The following SLC71A2 variants were observed in gnomAD, a reference collection of about 807,000 sequenced individuals.
SLC71A2 encodes hippocampus abundant transcript-like 1.
the SLC71A2 span, among the ~76,000 whole-genome samples, chr9:94,459,000 C>G: frequency 2.6e-5 from 4 of 152,178 alleles, no homozygotes; most frequent in Admixed American, 2.6e-4. Flanking sequence ...ATTCCAAACA[C>G]CAAGCTCTAG....
At chr9:94,424,483 C>T in the SLC71A2 span, among the ~76,000 whole-genome samples, 1 of 151,978 alleles carries the variant, frequency 6.6e-6, no homozygotes, top group East Asian at 1.9e-4. Flanking sequence ...TATCTGCCTG[C>T]CTCAGTTTCC....
the SLC71A2 span, among the ~76,000 whole-genome samples, chr9:94,436,117 T>G: frequency 1.3e-5 from 2 of 152,254 alleles, no homozygotes; most frequent in African/African-American, 4.8e-5. Context: ...CACTGTATTT[T>G]TTAATTTGTA....
the SLC71A2 span, chr9:94,451,528 G>A: frequency 1.3e-6 from 2 of 1,517,714 alleles, no homozygotes; most frequent in South Asian, 1.3e-5. Context: ...TGTGGCTCAG[G>A]TGAGTATCAT....
chr9:94,396,517 C>T, the SLC71A2 span, among the ~76,000 whole-genome samples: 1 of 151,950 alleles, frequency 6.6e-6, no homozygotes, highest in East Asian at 1.9e-4. Flanking sequence ...ACTCTGTCTC[C>T]AAAAAATTAA....
the SLC71A2 span, among the ~76,000 whole-genome samples, chr9:94,383,318 A>C: frequency 6.6e-6 from 1 of 151,864 alleles, no homozygotes; most frequent in African/African-American, 2.4e-5. Flanking sequence ...GCACGCCACC[A>C]CACCTGGCTA....
At chr9:94,397,498 A>G in the SLC71A2 span, among the ~76,000 whole-genome samples, 29 of 143,716 alleles carry the variant, frequency 2.0e-4, no homozygotes, top group East Asian at 1.7e-3. Context: ...AAAAAAAAAA[A>G]GGAAAAAAAA....
chr9:94,459,220 T>C, the SLC71A2 span: 13 of 1,614,060 alleles, frequency 8.1e-6, no homozygotes, highest in Admixed American at 1.3e-4. Flanking sequence ...TTATGTCTTT[T>C]CTGGTTGCCT....
At chr9:94,445,116 G>C in the SLC71A2 span, 38 of 1,614,038 alleles carry the variant, frequency 2.4e-5, no homozygotes, top group Middle Eastern at 1.6e-4. Flanking sequence ...CAGAATCTCT[G>C]CCTGAGAAAA....
At chr9:94,384,212 T>G in the SLC71A2 span, among the ~76,000 whole-genome samples, 1 of 152,228 alleles carries the variant, frequency 6.6e-6, no homozygotes, top group Non-Finnish European at 1.5e-5. Flanking sequence ...TGTGTTTGAC[T>G]TACTTTAGAT....
the SLC71A2 span, among the ~76,000 whole-genome samples, chr9:94,405,223 C>T: frequency 9.2e-5 from 14 of 152,054 alleles, no homozygotes; most frequent in African/African-American, 2.9e-4. Flanking sequence ...AGGCCGGGCG[C>T]AGTGGCTCAT....
At chr9:94,415,148 T>G in the SLC71A2 span, 1 of 1,598,280 alleles carries the variant, frequency 6.3e-7, no homozygotes, top group Non-Finnish European at 8.6e-7. Flanking sequence ...ATAATAACTT[T>G]CTTTTTTAGC....
At chr9:94,388,211 A>C in the SLC71A2 span, among the ~76,000 whole-genome samples, 9 of 151,392 alleles carry the variant, frequency 5.9e-5, no homozygotes, top group African/African-American at 2.2e-4. Context: ...GTCATGAAAA[A>C]AGAGTCATAA....
the SLC71A2 span, among the ~76,000 whole-genome samples, chr9:94,400,938 C>A: frequency 6.6e-6 from 1 of 151,904 alleles, no homozygotes; most frequent in Non-Finnish European, 1.5e-5. Flanking sequence ...TTCCGGAATG[C>A]CCTTTAAATG....
chr9:94,408,531 T>C, the SLC71A2 span, among the ~76,000 whole-genome samples: 1 of 152,158 alleles, frequency 6.6e-6, no homozygotes, highest in African/African-American at 2.4e-5. Context: ...TCAATCTCCT[T>C]ACTAGTTATA....
chr9:94,415,845 T>TC, the SLC71A2 span, among the ~76,000 whole-genome samples: 4 of 152,230 alleles, frequency 2.6e-5, no homozygotes, highest in African/African-American at 9.6e-5. Flanking sequence ...GGCCACGGAC[T>TC]CATAGGGTCC....
chr9:94,384,139 A>G, the SLC71A2 span, among the ~76,000 whole-genome samples: 1 of 152,156 alleles, frequency 6.6e-6, no homozygotes, highest in African/African-American at 2.4e-5. Context: ...TACCCATGAA[A>G]CAACAACTCC....
the SLC71A2 span, chr9:94,415,009 A>G: frequency 6.5e-6 from 4 of 617,232 alleles, no homozygotes; most frequent in Admixed American, 2.9e-5. Flanking sequence ...GAAGGCATCA[A>G]GGATAACACA....
At chr9:94,413,159 C>G in the SLC71A2 span, among the ~76,000 whole-genome samples, 1 of 151,174 alleles carries the variant, frequency 6.6e-6, no homozygotes, top group Non-Finnish European at 1.5e-5. Flanking sequence ...GTCTTGGGAA[C>G]TGACTTAGAT....
At chr9:94,390,075 G>A in the SLC71A2 span, among the ~76,000 whole-genome samples, 1 of 152,258 alleles carries the variant, frequency 6.6e-6, no homozygotes, top group South Asian at 2.1e-4. Context: ...TTAGCCGGGC[G>A]TGGTGGCGGG....
Sources: gnomAD v4.1 joint callset for allele counts (sites outside exome capture counted in the v4.1 genomes callset) on GRCh38, gnomAD v4.1.1 for gene constraint, MANE v1.5 for transcripts, NCBI Gene and HGNC (gene_info 2026-07-23, HGNC 2026-07-21) for gene names.